The following USP31 variants were observed in gnomAD, a reference collection of about 807,000 sequenced individuals.
The protein encoded by USP31 is ubiquitin carboxyl-terminal hydrolase 31.
A neutral mutation model predicts 119.4 loss-of-function variants in USP31; 44 were observed. The ratio of observed to expected loss-of-function variants is 0.37; its 90% confidence interval spans 0.29 to 0.47. The LOEUF (loss-of-function observed/expected upper bound fraction) is 0.47. Ranked by LOEUF, USP31 falls within the 20% of genes least tolerant of loss-of-function variation. USP31 has a pLI of 0.99. For missense variants in USP31, 1,643 were observed against 1,730.2 expected, an observed-to-expected ratio of 0.95 and a Z score of 0.89; for synonymous variants, 749 against 705.6, an observed-to-expected ratio of 1.06 and a Z score of -0.97.
At chr16:23,120,325 C>T (rs1486143485) in intron 1 of USP31, among the ~76,000 whole-genome samples, 1 of 152,168 alleles carries the variant, frequency 6.6e-6, no homozygotes, top group Non-Finnish European at 1.5e-5. Context: ...TGAAACATTA[C>T]AAATGGTTGA....
intron 1 of USP31, among the ~76,000 whole-genome samples, chr16:23,122,828 T>C (rs1789333923): frequency 6.6e-6 from 1 of 151,742 alleles, no homozygotes; most frequent in Non-Finnish European, 1.5e-5. Context: ...GAGTATGGGG[T>C]TTTTGGGGGG....
In USP31 at chr16:23,068,100, T is replaced by A. The variant is rs1330025169; in HGVS notation, c.4005A>T (p.Lys1335Asn). 1.2e-6 allele frequency: 2 copies of A among 1,613,984 alleles called. No individual in the cohort carries two copies. The highest frequency in any genetic ancestry group is 2.7e-5 in the African/African-American group (2 of 74,920). Residue 1335 changes from lysine to asparagine, a missense_variant, in exon 16 of 16, where the codon AAA becomes AAT. Transcript: ENST00000219689. ...GGRQSAEKSS[K>N]KLSSSMQTSA... ...AGGTTTGCATGCTAGAAGATAACTT[T>A]TTTGAGGATTTCTCTGCAGACTGCC...
Position 23,103,299 on chromosome 16 carries a change from T to C in USP31, c.1090-836A>G, listed in dbSNP as rs148372339. Reference sequence around the variant, plus strand: ...CAAGCCTAAACCACGGATATTTGTATTGAAAAAAAAAATCAACTCAAATGT... The same window carrying C: ...CAAGCCTAAACCACGGATATTTGTACTGAAAAAAAAAATCAACTCAAATGT... On this transcript the variant is annotated intron_variant, in intron 5 of 15. Coordinates refer to ENST00000219689, the MANE Select transcript of USP31 (RefSeq NM_020718.4). Among the ~76,000 whole-genome samples the C allele has an allele frequency of 9.4e-4, 143 of 152,050 alleles. 2 individuals carry two copies. In the East Asian group the frequency reaches 0.016, roughly 17 times the overall value.
intron 1 of USP31, among the ~76,000 whole-genome samples, chr16:23,140,867 G>A (rs1259002015): frequency 6.6e-6 from 1 of 152,152 alleles, no homozygotes; most frequent in Admixed American, 6.6e-5. Flanking sequence ...CTCTGCTCCA[G>A]TGTCTTGCCA....
intron 6 of USP31, among the ~76,000 whole-genome samples, chr16:23,093,120 T>C (rs996402133): frequency 6.6e-6 from 1 of 152,198 alleles, no homozygotes; most frequent in Non-Finnish European, 1.5e-5. Context: ...TGACCTTGGA[T>C]GTGGTGACGG....
intron 5 of USP31, among the ~76,000 whole-genome samples, 188 bp from the exon 6 acceptor site, chr16:23,102,651 T>C (rs1363518297): frequency 6.6e-6 from 1 of 152,108 alleles, no homozygotes; most frequent in Non-Finnish European, 1.5e-5. Context: ...TATATAACAA[T>C]ATACAGTCAC....
Position 23,084,875 on chromosome 16 carries a change from G to A in USP31, c.1815C>T (p.Tyr605=). The A allele has an allele frequency of 6.2e-7, 1 of 1,613,996 alleles. No homozygotes were observed. Among genetic ancestry groups the A allele is most frequent in the Non-Finnish European group, 8.5e-7 (1 of 1,179,960 alleles). Residue 605 remains tyrosine, a synonymous_variant, in exon 11 of 16, where the codon TAC becomes TAT. Transcript: ENST00000219689. ...AGTCTCTTACCCGCTCCTCTTTGGT[G>A]TACAGTTGGAAACACTGGGATAAAG... ...TCTLSQCFQL[Y]TKEERLAPDD...
rs578154990 is a variant in USP31 at position 23,127,286 on chromosome 16, G to T, written c.634-19103C>A. On this transcript the variant is annotated intron_variant, in intron 1 of 15. Transcript: ENST00000219689. ...CTACAAAAAATAAAAAACTAGCTGG[G>T]CATGGTGGTGAGCACCTGTGGTCCC... Among the ~76,000 whole-genome samples, 6 of 152,014 alleles carry T rather than the reference G, an allele frequency of 3.9e-5. No homozygotes were observed. In the East Asian group the frequency reaches 7.7e-4, roughly 20 times the overall value.
intron 1 of USP31, among the ~76,000 whole-genome samples, chr16:23,118,271 A>G (rs1475403484): frequency 6.6e-6 from 1 of 152,230 alleles, no homozygotes; most frequent in Non-Finnish European, 1.5e-5. Flanking sequence ...TGAAAAATAG[A>G]ATAAAAAAAG....
rs1268574113 is a variant in USP31, at chr16:23,062,427, A to T, written c.*5619T>A. The stretch of plus-strand genomic sequence containing the variant: ...AATGTTTCACATTCATTTTCAAACT[A>T]AAAAAAAGAATTCCTGAAACCACAT... On this transcript the variant is annotated 3_prime_UTR_variant, in exon 16 of 16. Coordinates refer to ENST00000219689, the MANE Select transcript of USP31 (RefSeq NM_020718.4). 1 of 152,498 alleles carries T rather than the reference A, an allele frequency of 6.6e-6. No homozygotes were observed. Among genetic ancestry groups the T allele is most frequent in the Non-Finnish European group, 1.5e-5 (1 of 67,974 alleles). The allele number at this position is 152,498 out of a possible 1,614,324, so 9.4% of individuals were successfully genotyped here. A position where few individuals can be genotyped will look rare whatever the true frequency, so the allele number is the denominator to read the frequency against.
rs548391051 is a variant in USP31 at position 23,148,513 on chromosome 16, G to C, written c.633+125C>G. Reference sequence around the variant, plus strand: ...CTTAAAATCACTGGTCGACTGCCCAGACCACTCGGAGCAACCAATGCAGAA... The same window carrying C: ...CTTAAAATCACTGGTCGACTGCCCACACCACTCGGAGCAACCAATGCAGAA... On this transcript the variant is annotated intron_variant, in intron 1 of 15. Coordinates refer to ENST00000219689, the MANE Select transcript of USP31 (RefSeq NM_020718.4). 4.0e-4 allele frequency: 519 copies of C among 1,301,580 alleles called. No homozygotes were observed. The Middle Eastern group carries it at 6.5e-3, about 16-fold the overall frequency. The allele number at this position is 1,301,580 out of a possible 1,614,324, so 80.6% of individuals were successfully genotyped here.
chr16:23,128,724 C>T (rs1041606284), intron 1 of USP31, among the ~76,000 whole-genome samples: 1 of 152,130 alleles, frequency 6.6e-6, no homozygotes, highest in Non-Finnish European at 1.5e-5. Flanking sequence ...TTCTTGGCAC[C>T]ACAAGAGATA....
chr16:23,069,734 C>T, intron 15 of USP31, 118 bp from the exon 16 acceptor site: 5 of 1,326,794 alleles, frequency 3.8e-6, no homozygotes, highest in Non-Finnish European at 5.0e-6. Flanking sequence ...GCATGACCTT[C>T]AGAGCCAGCC....
At chr16:23,148,501 G>T in intron 1 of USP31, 137 bp downstream of exon 1, 3 of 1,211,524 alleles carry the variant, frequency 2.5e-6, no homozygotes, top group Non-Finnish European at 3.2e-6. Flanking sequence ...AAAATCACTG[G>T]TCGACTGCCC....
In USP31 at chr16:23,149,054, A is replaced by G; in HGVS notation, c.217T>C (p.Ser73Pro). 1 of 1,254,470 alleles carries G rather than the reference A, an allele frequency of 8.0e-7. No individual in the cohort carries two copies. Among genetic ancestry groups the G allele is most frequent in the Non-Finnish European group, 1.0e-6 (1 of 974,590 alleles). 77.7% of individuals were successfully genotyped at this position (1,254,470 alleles called of 1,614,324 possible). ...SFMSRVLKTLSTLSHLSSEGA... is the reference protein window; with the variant it reads ...SFMSRVLKTLPTLSHLSSEGA... ...TCAGAGCTAAGGTGCGAGAGCGTGG[A>G]CAGCGTCTTGAGAACGCGGCTCATG... is the stretch of plus-strand genomic sequence containing the variant. The change falls in exon 1 of 16, where the codon TCC becomes CCC. Residue 73 changes from serine (S) to proline (P), a missense_variant. Physicochemically the swap from Ser to Pro is moderately conservative, Grantham distance 74. Coordinates refer to ENST00000219689, the MANE Select transcript of USP31 (RefSeq NM_020718.4).
At chr16:23,089,508 TA>T (rs956418950) in intron 7 of USP31, among the ~76,000 whole-genome samples, 3 of 152,186 alleles carry the variant, frequency 2.0e-5, no homozygotes, top group Admixed American at 6.5e-5. Context: ...CTGTAAACAC[TA>T]AAATACCTGT....
rs1900108495 is a variant in USP31 at position 23,067,166 on chromosome 16, A to C, written c.*880T>G. 1 of 152,648 alleles carries C rather than the reference A, an allele frequency of 6.6e-6. No homozygotes were observed. Among genetic ancestry groups the C allele is most frequent in the Non-Finnish European group, 1.5e-5 (1 of 68,040 alleles). 9.5% of individuals were successfully genotyped at this position (152,648 alleles called of 1,614,324 possible). On this transcript the variant is annotated 3_prime_UTR_variant, in exon 16 of 16. Coordinates refer to ENST00000219689, the MANE Select transcript of USP31 (RefSeq NM_020718.4). ...GAAGTTTTTTCCAGGAATCTGTCAA[A>C]GGTGTTAACTGCTCTACTACAGTGC...
intron 13 of USP31, among the ~76,000 whole-genome samples, chr16:23,077,916 T>C (rs1018113264): frequency 3.9e-5 from 6 of 152,140 alleles, no homozygotes; most frequent in Non-Finnish European, 7.4e-5. Flanking sequence ...TATTCAACAA[T>C]GTTACACGAA....
intron 6 of USP31, among the ~76,000 whole-genome samples, chr16:23,093,112 A>G (rs1277266962): frequency 6.6e-6 from 1 of 152,230 alleles, no homozygotes; most frequent in Admixed American, 6.5e-5. Context: ...AATCTTTATG[A>G]CCTTGGATGT....
Sources: allele counts gnomAD v4.1 joint callset (sites outside exome capture counted in the v4.1 genomes callset), GRCh38; gene constraint gnomAD v4.1.1; transcripts MANE v1.5; gene names NCBI Gene and HGNC (gene_info 2026-07-23, HGNC 2026-07-21).